The following TNFSF4 variants were observed in gnomAD, a reference collection of about 807,000 sequenced individuals.
TNFSF4 encodes the protein tumor necrosis factor ligand superfamily member 4.
TNFSF4 carries 4 observed loss-of-function variants against 7.3 expected under a neutral mutation model. The ratio of observed to expected loss-of-function variants is 0.55; its 90% CI spans 0.27 to 1.25. TNFSF4 has a LOEUF of 1.25. Ranked by LOEUF, TNFSF4 falls within the 50% of genes most tolerant of loss-of-function variation. TNFSF4 has a pLI of 0.12. For missense variants in TNFSF4, 181 were observed against 208.8 expected, an observed-to-expected ratio of 0.87 and a Z score of 0.82; for synonymous variants, 76 against 83.7, an observed-to-expected ratio of 0.91 and a Z score of 0.50.
chr1:173,186,567 G>A lies in TNFSF4; in HGVS notation c.501C>T (p.Gly167=), dbSNP rs373048163. ...TTTGATGGATAAGAATCAGTTCTCCGCCATTCACATGGAAGTCATCCAGGG... is the reference window on the plus strand; with the variant it reads ...TTTGATGGATAAGAATCAGTTCTCCACCATTCACATGGAAGTCATCCAGGG... ...NTSLDDFHVN[G]GELILIHQNP... is the part of the protein sequence containing the mutation. The change falls in exon 3 of 3, where the codon GGC becomes GGT. Residue 167 remains glycine, a synonymous_variant. Transcript: ENST00000281834. The A allele has an allele frequency of 4.6e-5, 75 of 1,613,922 alleles. No homozygotes were observed. The highest frequency in any genetic ancestry group is 5.3e-5 in the Non-Finnish European group (63 of 1,179,980).
At chr1:173,229,351 G>A in the TNFSF4 span, among the ~76,000 whole-genome samples, 4 of 152,156 alleles carry the variant, frequency 2.6e-5, no homozygotes, top group Non-Finnish European at 4.4e-5. Context: ...AAGTGAAGGA[G>A]AAATAAAATC....
chr1:173,320,462 T>A, the TNFSF4 span, among the ~76,000 whole-genome samples: 1 of 152,168 alleles, frequency 6.6e-6, no homozygotes, highest in Non-Finnish European at 1.5e-5. Flanking sequence ...AACATAGTAT[T>A]GGAAGTTCTG....
chr1:173,234,538 A>G, the TNFSF4 span, among the ~76,000 whole-genome samples: 1 of 152,358 alleles, frequency 6.6e-6, no homozygotes, highest in Non-Finnish European at 1.5e-5. Context: ...AAGACTTGGA[A>G]CCAACCCAAA....
At chr1:173,325,613 C>T in the TNFSF4 span, among the ~76,000 whole-genome samples, 310 of 151,556 alleles carry the variant, frequency 2.0e-3, no homozygotes, top group South Asian at 8.0e-3. Flanking sequence ...ATTGATAGAC[C>T]GCTAGCAAGA....
At chr1:173,194,663 A>G (rs1233103490) in intron 1 of TNFSF4, among the ~76,000 whole-genome samples, 2 of 152,090 alleles carry the variant, frequency 1.3e-5, no homozygotes, top group African/African-American at 2.4e-5. Context: ...CAGGCCGATC[A>G]CTTGCACTCA....
the TNFSF4 span, among the ~76,000 whole-genome samples, chr1:173,377,264 G>A: frequency 5.9e-5 from 9 of 152,122 alleles, no homozygotes; most frequent in Admixed American, 3.9e-4. Flanking sequence ...TTAGAATTTC[G>A]GGGCTAAATA....
At chr1:173,307,562 A>G in the TNFSF4 span, among the ~76,000 whole-genome samples, 28 of 152,098 alleles carry the variant, frequency 1.8e-4, no homozygotes, top group African/African-American at 6.7e-4. Context: ...TATTAACTCT[A>G]TATCAGATAA....
chr1:173,441,971 A>C, the TNFSF4 span: 1 of 152,260 alleles, frequency 6.6e-6, no homozygotes, highest in Non-Finnish European at 1.5e-5. Context: ...GGCTCCAAAA[A>C]GGTGGATCAA....
chr1:173,359,288 T>C, the TNFSF4 span, among the ~76,000 whole-genome samples: 1 of 152,158 alleles, frequency 6.6e-6, no homozygotes, highest in Non-Finnish European at 1.5e-5. Context: ...AATTAGTTTC[T>C]TCTTTTGCAG....
At chr1:173,401,274 G>A in the TNFSF4 span, among the ~76,000 whole-genome samples, 1 of 152,152 alleles carries the variant, frequency 6.6e-6, no homozygotes, top group Non-Finnish European at 1.5e-5. Flanking sequence ...ATCTTTATTT[G>A]GAGGTTAAGT....
At chr1:173,235,411 C>T in the TNFSF4 span, among the ~76,000 whole-genome samples, 13 of 152,176 alleles carry the variant, frequency 8.5e-5, no homozygotes, top group South Asian at 2.1e-4. Flanking sequence ...ATTTATAAGG[C>T]GTGGATTCCA....
chr1:173,428,115 T>C, the TNFSF4 span, among the ~76,000 whole-genome samples: 1 of 152,104 alleles, frequency 6.6e-6, no homozygotes, highest in Non-Finnish European at 1.5e-5. Context: ...CCGGCTACTT[T>C]TTTTATTTTA....
the TNFSF4 span, among the ~76,000 whole-genome samples, chr1:173,319,932 C>A: frequency 6.6e-6 from 1 of 152,118 alleles, no homozygotes; most frequent in Non-Finnish European, 1.5e-5. Flanking sequence ...ATTCCAAAAA[C>A]CAGAATGCCT....
the TNFSF4 span, among the ~76,000 whole-genome samples, chr1:173,382,230 C>T: frequency 6.6e-6 from 1 of 152,144 alleles, no homozygotes; most frequent in East Asian, 1.9e-4. Context: ...GACGCACCAC[C>T]TTTAAGAGCT....
At chr1:173,342,722 C>T in the TNFSF4 span, among the ~76,000 whole-genome samples, 1 of 152,124 alleles carries the variant, frequency 6.6e-6, no homozygotes, top group African/African-American at 2.4e-5. Context: ...AAAATTCCAA[C>T]TTTCCTCTCC....
the TNFSF4 span, among the ~76,000 whole-genome samples, chr1:173,387,232 T>C: frequency 6.6e-6 from 1 of 152,204 alleles, no homozygotes; most frequent in Non-Finnish European, 1.5e-5. Flanking sequence ...AAATTCATGT[T>C]GAAACTGAAT....
At chr1:173,292,765 G>T in the TNFSF4 span, among the ~76,000 whole-genome samples, 8 of 151,916 alleles carry the variant, frequency 5.3e-5, no homozygotes, top group Admixed American at 1.3e-4. Flanking sequence ...CTGCCAAAAG[G>T]GTCCTAGAAC....
At chr1:173,225,309 C>A in the TNFSF4 span, among the ~76,000 whole-genome samples, 4 of 152,158 alleles carry the variant, frequency 2.6e-5, no homozygotes, top group Non-Finnish European at 4.4e-5. Flanking sequence ...TAAACATCAC[C>A]AATTCTCAAT....
upstream of TNFSF4, among the ~76,000 whole-genome samples, chr1:173,210,542 C>G (rs1335650095): frequency 6.6e-6 from 1 of 152,180 alleles, no homozygotes; most frequent in African/African-American, 2.4e-5. Flanking sequence ...TCAGAAGAAT[C>G]TGTCGTAAAT....
Sources: gnomAD v4.1 joint callset for allele counts (sites outside exome capture counted in the v4.1 genomes callset) on GRCh38, gnomAD v4.1.1 for gene constraint, MANE v1.5 for transcripts, NCBI Gene and HGNC (gene_info 2026-07-23, HGNC 2026-07-21) for gene names.